Variants in RUNX2 observed in about 807,000 individuals in gnomAD.
RUNX2 encodes the protein RUNX family transcription factor 2, also known as runt-related transcription factor 2.
Under a neutral mutation model 51.7 loss-of-function variants are expected in RUNX2, and 10 were observed. That is an observed-to-expected ratio of 0.19 (90% CI 0.12 to 0.33). The LOEUF (loss-of-function observed/expected upper bound fraction) is 0.33. Ranked by LOEUF, RUNX2 falls within the 10% of genes least tolerant of loss-of-function variation. The probability of loss-of-function intolerance (pLI) is 1.00; values close to 1 mark genes in which losing one functional copy is unlikely to be tolerated. For missense variants in RUNX2, 562 were observed against 691.3 expected, an observed-to-expected ratio of 0.81 and a Z score of 2.10; for synonymous variants, 276 against 273.6, an observed-to-expected ratio of 1.01 and a Z score of -0.09.
chr6:45,517,277 G>A (rs998618291), intron 7 of RUNX2, among the ~76,000 whole-genome samples: 47 of 152,080 alleles, frequency 3.1e-4, no homozygotes, highest in Non-Finnish European at 1.0e-4. Flanking sequence ...GAATTCCTGA[G>A]CTTAAACAAT....
At chr6:45,489,661 C>T (rs1455953856) in intron 5 of RUNX2, among the ~76,000 whole-genome samples, 2 of 152,086 alleles carry the variant, frequency 1.3e-5, no homozygotes, top group African/African-American at 4.8e-5. Context: ...TTAATGTTTA[C>T]AGCTGTATCA....
At chr6:45,482,930 G>A (rs1800156411) in intron 5 of RUNX2, among the ~76,000 whole-genome samples, 1 of 152,212 alleles carries the variant, frequency 6.6e-6, no homozygotes, top group African/African-American at 2.4e-5. Context: ...TTGAAGATAT[G>A]TGGTAGTGAT....
At chr6:45,346,343 C>A (rs897628415) in intron 2 of RUNX2, among the ~76,000 whole-genome samples, 8 of 152,048 alleles carry the variant, frequency 5.3e-5, no homozygotes, top group African/African-American at 1.9e-4. Context: ...AAGGAGTCTA[C>A]AGGGTTGAAA....
intron 4 of RUNX2, among the ~76,000 whole-genome samples, chr6:45,436,753 T>G (rs1483715227): frequency 6.6e-6 from 1 of 152,260 alleles, no homozygotes; most frequent in African/African-American, 2.4e-5. Context: ...CTGTTCCATA[T>G]TAAGCTTTGA....
Position 45,371,318 on chromosome 6 carries a change from T to C in RUNX2, c.58+42534T>C, listed in dbSNP as rs534562321. The stretch of plus-strand genomic sequence containing the variant: ...TTATGTGACCAAAAAGAAAAAGGAC[T>C]GGGGGATTTACTGTAGGCATGTAAA... On this transcript the variant is annotated intron_variant, in intron 2 of 8. Coordinates refer to ENST00000647337, the MANE Select transcript of RUNX2 (RefSeq NM_001024630.4). Among the ~76,000 whole-genome samples the C allele has an allele frequency of 5.9e-5, 9 of 152,010 alleles. No individual in the cohort carries two copies. In the South Asian group the frequency reaches 1.7e-3, roughly 28 times the overall value.
chr6:45,468,903 G>A (rs1799717362), intron 5 of RUNX2, among the ~76,000 whole-genome samples: 1 of 152,194 alleles, frequency 6.6e-6, no homozygotes, highest in African/African-American at 2.4e-5. Context: ...TACTACCTGA[G>A]CTGAGAACCA....
intron 2 of RUNX2, among the ~76,000 whole-genome samples, chr6:45,410,869 A>C (rs566562337): frequency 6.6e-6 from 1 of 152,308 alleles, no homozygotes; most frequent in Non-Finnish European, 1.5e-5. Flanking sequence ...TTAGATGGAA[A>C]TTTCTATGAA....
chr6:45,344,599 A>C (rs1260437358), intron 2 of RUNX2, among the ~76,000 whole-genome samples: 2 of 152,200 alleles, frequency 1.3e-5, no homozygotes, highest in African/African-American at 4.8e-5. Flanking sequence ...TTAAGAGGCC[A>C]CAAAAAGCTA....
intron 2 of RUNX2, among the ~76,000 whole-genome samples, chr6:45,417,383 G>A (rs1220833326): frequency 1.3e-5 from 2 of 152,264 alleles, no homozygotes; most frequent in African/African-American, 4.8e-5. Context: ...TTCTTAAGGA[G>A]CCTGTGAAAA....
At chr6:45,357,111 A>G (rs1259469128) in intron 2 of RUNX2, among the ~76,000 whole-genome samples, 1 of 152,012 alleles carries the variant, frequency 6.6e-6, no homozygotes, top group Admixed American at 6.6e-5. Flanking sequence ...GGTTCACGCC[A>G]TTCTCCAGTC....
chr6:45,528,204 T>C (rs1290239551), intron 7 of RUNX2, among the ~76,000 whole-genome samples: 1 of 152,202 alleles, frequency 6.6e-6, no homozygotes, highest in Non-Finnish European at 1.5e-5. Context: ...ATGGGGATTA[T>C]GAAAGCTATA....
intron 3 of RUNX2, among the ~76,000 whole-genome samples, chr6:45,429,450 G>A (rs1473593798): frequency 2.0e-5 from 3 of 152,180 alleles, no homozygotes; most frequent in African/African-American, 4.8e-5. Context: ...AAATTGAAAA[G>A]CACATTGCCT....
In RUNX2 at chr6:45,445,147, C is replaced by T. The variant is rs191710492; in HGVS notation, c.685+7096C>T. Among the ~76,000 whole-genome samples the T allele has an allele frequency of 9.9e-3, 1,514 of 152,234 alleles. 32 individuals are homozygous for T. The highest frequency in any genetic ancestry group is 0.035 in the African/African-American group (1,439 of 41,526). On this transcript the variant is annotated intron_variant, in intron 5 of 8. Transcript: ENST00000647337. The stretch of plus-strand genomic sequence containing the variant: ...TCAAGCGATTCTCCTGCCTCAGCCT[C>T]CTGAGTAGCTGGGATTACAAGTGTG...
intron 2 of RUNX2, among the ~76,000 whole-genome samples, chr6:45,418,290 A>C (rs1798107427): frequency 6.6e-6 from 1 of 151,782 alleles, no homozygotes; most frequent in African/African-American, 2.4e-5. Context: ...TTCACATCTC[A>C]TTTTCTTTGT....
At chr6:45,516,160 A>G (rs1801312869) in intron 7 of RUNX2, among the ~76,000 whole-genome samples, 1 of 152,228 alleles carries the variant, frequency 6.6e-6, no homozygotes, top group African/African-American at 2.4e-5. Context: ...GAAGGAAGGT[A>G]TAAACAAAAT....
intron 5 of RUNX2, among the ~76,000 whole-genome samples, chr6:45,452,042 C>T (rs768961136): frequency 2.0e-5 from 3 of 152,122 alleles, no homozygotes; most frequent in Admixed American, 6.5e-5. Flanking sequence ...TACTGATAAT[C>T]AGAATAGGTG....
intron 3 of RUNX2, 37 bp from the exon 4 acceptor site, chr6:45,431,826 G>A: frequency 6.2e-7 from 1 of 1,609,832 alleles, no homozygotes; most frequent in Non-Finnish European, 8.5e-7. Context: ...CCTTTCTGAT[G>A]TGCCATTATT....
At chr6:45,487,484 G>A (rs1800318728) in intron 5 of RUNX2, among the ~76,000 whole-genome samples, 1 of 152,044 alleles carries the variant, frequency 6.6e-6, no homozygotes, top group Non-Finnish European at 1.5e-5. Context: ...AAGTGAATAG[G>A]GTTTTCCAGA....
chr6:45,549,459 A>G lies in RUNX2; in HGVS notation c.*2154A>G, dbSNP rs948066194. 4 of 398,154 alleles carry G rather than the reference A, an allele frequency of 1.0e-5. No homozygotes were observed. The highest frequency in any genetic ancestry group is 1.8e-5 in the Non-Finnish European group (4 of 226,020). 24.7% of individuals were successfully genotyped at this position (398,154 alleles called of 1,614,324 possible). ...GGGAAAGCAAAACACTTTGCCTTCT[A>G]AAGGCCGTATACCAAGTATGCTTAG... On this transcript the variant is annotated 3_prime_UTR_variant, in exon 9 of 9. Transcript: ENST00000647337.
Sources: allele counts gnomAD v4.1 joint callset (sites outside exome capture counted in the v4.1 genomes callset), GRCh38; gene constraint gnomAD v4.1.1; transcripts MANE v1.5; gene names NCBI Gene and HGNC (gene_info 2026-07-23, HGNC 2026-07-21).